The following SH3KBP1 variants were observed in gnomAD, a reference collection of about 807,000 sequenced individuals.
SH3KBP1 encodes the protein SH3 domain-containing kinase-binding protein 1.
In SH3KBP1, 8 loss-of-function variants were observed where a neutral mutation model predicts 50.1. The observed-to-expected ratio is 0.16, with a 90% CI of 0.09 to 0.29. SH3KBP1 has a LOEUF of 0.29. Among genes scored for constraint, SH3KBP1 ranks in the 10% least tolerant of loss-of-function variants. The probability of loss-of-function intolerance (pLI) is 1.00; values close to 1 mark genes in which losing one functional copy is unlikely to be tolerated. For synonymous variants in SH3KBP1, 227 were observed against 218.6 expected (o/e 1.04, Z -0.34); for missense variants, 377 against 535.2 (o/e 0.70, Z 2.92).
chrX:19,788,900 C>T (rs1278231590), intron 2 of SH3KBP1, among the ~76,000 whole-genome samples: 2 of 112,002 alleles, frequency 1.8e-5, no homozygotes, highest in Admixed American at 9.4e-5. Flanking sequence ...CCTAGGCGGG[C>T]GGATCACGAG....
At chrX:19,569,683 T>C (rs984505499) in intron 12 of SH3KBP1, among the ~76,000 whole-genome samples, 2 of 112,008 alleles carry the variant, frequency 1.8e-5, no homozygotes, top group African/African-American at 6.5e-5. Flanking sequence ...AGTTGAGATC[T>C]GGCGGCCTGA....
chrX:19,537,903 ACAT>A, intron 16 of SH3KBP1, 123 bp from the exon 17 acceptor site: 2 of 575,797 alleles, frequency 3.5e-6, no homozygotes, highest in East Asian at 6.8e-5. Flanking sequence ...TGTGGACAAC[ACAT>A]CATTATTTTC....
intron 7 of SH3KBP1, among the ~76,000 whole-genome samples, chrX:19,641,354 G>A (rs757114265): frequency 8.9e-6 from 1 of 112,464 alleles, no homozygotes; most frequent in South Asian, 3.7e-4. Context: ...CTAGCAGAGA[G>A]CTCTGTAAGC....
chrX:19,722,435 C>T (rs1353420972), intron 3 of SH3KBP1, among the ~76,000 whole-genome samples: 2 of 111,364 alleles, frequency 1.8e-5, no homozygotes, highest in African/African-American at 6.5e-5. Context: ...CTACAAGTTT[C>T]CCCCTATCCT....
intron 3 of SH3KBP1, among the ~76,000 whole-genome samples, chrX:19,722,330 A>G (rs1469159082): frequency 9.0e-6 from 1 of 111,634 alleles, no homozygotes; most frequent in Non-Finnish European, 1.9e-5. Context: ...AGCACAGCTA[A>G]TTTGCAGGCT....
chrX:19,618,385 CAAAAAA>C, intron 8 of SH3KBP1, among the ~76,000 whole-genome samples: 1 of 18,208 alleles, frequency 5.5e-5, no homozygotes, highest in Non-Finnish European at 1.2e-4. Flanking sequence ...GACTCTGTCT[CAAAAAA>C]AAAAAAAAAA....
chrX:19,860,029 T>C lies in SH3KBP1; in HGVS notation c.5-23747A>G, dbSNP rs372779483. Among the ~76,000 whole-genome samples, 35 of 110,636 alleles carry C rather than the reference T, an allele frequency of 3.2e-4. No homozygotes were observed. In the South Asian group the frequency reaches 6.8e-3, roughly 21 times the overall value. ...AGCATAAATGACACTAGCCAAAAGG[T>C]AGAAACAACCCAAGTGTCCAAGAGA... On this transcript the variant is annotated intron_variant, in intron 1 of 17. Coordinates refer to ENST00000397821, the MANE Select transcript of SH3KBP1 (RefSeq NM_031892.3).
chrX:19,723,142 CAAA>C (rs61434855), intron 3 of SH3KBP1, among the ~76,000 whole-genome samples: 46 of 31,100 alleles, frequency 1.5e-3, no homozygotes, highest in African/African-American at 3.9e-3. Context: ...GACTCCGTCT[CAAA>C]AAAAAAAAAA....
At chrX:19,828,851 T>C (rs969822986) in intron 2 of SH3KBP1, among the ~76,000 whole-genome samples, 2 of 111,881 alleles carry the variant, frequency 1.8e-5, no homozygotes, top group African/African-American at 6.5e-5. Flanking sequence ...AAATCATCAC[T>C]GGGAGATTGG....
chrX:19,773,773 G>A (rs1009242111), intron 2 of SH3KBP1, among the ~76,000 whole-genome samples: 4 of 100,523 alleles, frequency 4.0e-5, no homozygotes, highest in Non-Finnish European at 8.0e-5. Context: ...GGAGAATGGC[G>A]TGAACCCGGG....
At chrX:19,842,282 C>T (rs991076586) in intron 1 of SH3KBP1, among the ~76,000 whole-genome samples, 54 of 112,474 alleles carry the variant, frequency 4.8e-4, no homozygotes, top group African/African-American at 1.6e-3. Context: ...AATCCCAACA[C>T]TTTGGGAGGC....
At position 19,599,556 on chromosome X, in the gene SH3KBP1, T is replaced by C. The variant is rs151121892; in HGVS notation, c.1006-4556A>G. 6.0e-3 allele frequency among the ~76,000 whole-genome samples: 670 copies of C among 112,257 alleles called. 7 individuals are homozygous for C. The highest frequency in any genetic ancestry group is 0.019 in the African/African-American group (593 of 30,904). On this transcript the variant is annotated intron_variant, in intron 9 of 17. Transcript: ENST00000397821. ...AAAGGAAGGAACAGTTTGTGAGCTG[T>C]CTGTCTTGCATCTACCACTCTTGAT...
At chrX:19,652,005 T>C (rs73459651) in intron 6 of SH3KBP1, among the ~76,000 whole-genome samples, 2,910 of 111,697 alleles carry the variant, frequency 0.026, 94 homozygotes, top group African/African-American at 0.089. Context: ...GAAGTGTCTG[T>C]TGAGTGGAGC....
intron 4 of SH3KBP1, among the ~76,000 whole-genome samples, chrX:19,704,645 A>C (rs1190872200): frequency 8.9e-6 from 1 of 112,227 alleles, no homozygotes; most frequent in Non-Finnish European, 1.9e-5. Context: ...GCATTTATTA[A>C]AGTGCAGATT....
chrX:19,849,683 GAAAAAAAAAA>G (rs61338118), intron 1 of SH3KBP1, among the ~76,000 whole-genome samples: 6 of 48,847 alleles, frequency 1.2e-4, no homozygotes, highest in Non-Finnish European at 2.4e-4. Flanking sequence ...GTAGCAGAGT[GAAAAAAAAAA>G]AAAAAAAAAC....
Position 19,887,506 on chromosome X carries a change from C to T in SH3KBP1, c.-196G>A. ...GCTGCTGCCTCTGCTGCTGCTGCCG[C>T]TGCTGCCCCGGGGCGACTCCTGCTG... On this transcript the variant is annotated 5_prime_UTR_variant, in exon 1 of 18. Coordinates refer to ENST00000397821, the MANE Select transcript of SH3KBP1 (RefSeq NM_031892.3). 1 of 272,792 alleles carries T rather than the reference C, an allele frequency of 3.7e-6. No individual in the cohort carries two copies. The highest frequency in any genetic ancestry group is 6.2e-6 in the Non-Finnish European group (1 of 160,641). The allele number at this position is 272,792 out of a possible 1,213,427, so 22.5% of individuals were successfully genotyped here.
At chrX:19,804,257 T>C (rs141465488) in intron 2 of SH3KBP1, among the ~76,000 whole-genome samples, 15,657 of 110,861 alleles carry the variant, frequency 0.14, 907 homozygotes, top group African/African-American at 0.2. Flanking sequence ...ACGATGGTAA[T>C]TGCAACTCCT....
chrX:19,794,625 C>G (rs992036151), intron 2 of SH3KBP1, among the ~76,000 whole-genome samples: 7 of 110,919 alleles, frequency 6.3e-5, no homozygotes, highest in Non-Finnish European at 9.4e-5. Flanking sequence ...ATGGCATGAA[C>G]TCGGGAGGCA....
At chrX:19,865,125 T>A (rs1158799434) in intron 1 of SH3KBP1, among the ~76,000 whole-genome samples, 1 of 112,809 alleles carries the variant, frequency 8.9e-6, no homozygotes, top group African/African-American at 3.2e-5. Context: ...AAAATGAGAC[T>A]ATTACTTATG....
Sources: allele counts gnomAD v4.1 joint callset (sites outside exome capture counted in the v4.1 genomes callset), GRCh38; gene constraint gnomAD v4.1.1; transcripts MANE v1.5; gene names NCBI Gene and HGNC (gene_info 2026-07-23, HGNC 2026-07-21).